Variants in MARF1 observed in about 807,000 individuals in gnomAD.
MARF1 encodes the protein meiosis regulator and mRNA stability factor 1.
Under a neutral mutation model 168.2 loss-of-function variants are expected in MARF1, and 24 were observed. The ratio of observed to expected loss-of-function variants is 0.14; its 90% CI spans 0.10 to 0.20. The LOEUF is 0.20. MARF1 is among the 10% of genes least tolerant of loss of function. MARF1 has a pLI of 1.00. For synonymous variants in MARF1, 868 were observed against 822.4 expected, an observed-to-expected ratio of 1.06 and a Z score of -0.95; for missense variants, 1,744 against 2,143.6, an observed-to-expected ratio of 0.81 and a Z score of 3.68.
chr16:15,641,712 A>G (rs1264695364), intron 1 of MARF1, among the ~76,000 whole-genome samples: 4 of 152,206 alleles, frequency 2.6e-5, no homozygotes, highest in Non-Finnish European at 5.9e-5. Context: ...CAGAGAGAGA[A>G]AAAGAAACTT....
chr16:15,608,064 T>C (rs2033167701), intron 21 of MARF1, among the ~76,000 whole-genome samples: 1 of 152,094 alleles, frequency 6.6e-6, no homozygotes, highest in African/African-American at 2.4e-5. Context: ...GGCAAGGCCA[T>C]TCAGAAACAC....
chr16:15,635,473 A>G, intron 3 of MARF1, 183 bp downstream of exon 3: 2 of 578,420 alleles, frequency 3.5e-6, no homozygotes, highest in Non-Finnish European at 6.0e-6. Context: ...ACTTTTTTGA[A>G]TGATCTCCCA....
At position 15,609,580 on chromosome 16, in the gene MARF1, C is replaced by T. The variant is rs759542967; in HGVS notation, c.3897G>A (p.Ala1299=). ...CAAGTAGTTTGGTAAACCCATAGTA[C>T]GCAAGTTTGCACTGCCGGCCAAAGT... The part of the protein sequence containing the change: ...HHHFGRQCKL[A]YYGFTKLLEL... Residue 1299 remains alanine, a synonymous_variant, in exon 20 of 27, where the codon GCG becomes GCA. Transcript: ENST00000396368. 5.1e-5 allele frequency: 82 copies of T among 1,614,042 alleles called. No individual in the cohort carries two copies. The highest frequency in any genetic ancestry group is 1.0e-4 in the Admixed American group (6 of 60,004).
intron 7 of MARF1, among the ~76,000 whole-genome samples, chr16:15,629,318 T>C (rs957322218): frequency 3.3e-5 from 5 of 152,148 alleles, no homozygotes; most frequent in Non-Finnish European, 1.5e-5. Flanking sequence ...GCCTCTGGTA[T>C]CCACAACTCT....
In MARF1 at chr16:15,628,364, TTTTG is replaced by T. The variant is rs574449208; in HGVS notation, c.1524+1964_1524+1967del. ...ACTTTCCACATTTCTAAATATTGTG[TTTTG>T]TTTGTTTTTACAATGATCATACCAT... is the stretch of plus-strand genomic sequence containing the variant. On this transcript the variant is annotated intron_variant, in intron 7 of 26. Coordinates refer to ENST00000396368, the MANE Select transcript of MARF1 (RefSeq NM_014647.4). 3.7e-3 allele frequency among the ~76,000 whole-genome samples: 560 copies of T among 152,156 alleles called. 8 individuals are homozygous for T. Among genetic ancestry groups the T allele is most frequent in the African/African-American group, 0.013 (540 of 41,510 alleles).
At position 15,611,153 on chromosome 16, in the gene MARF1, C is replaced by T. The variant is rs368744230; in HGVS notation, c.3618-45G>A. 10 of 1,593,420 alleles carry T rather than the reference C, an allele frequency of 6.3e-6. No homozygotes were observed. The African/African-American group carries it at 6.7e-5, about 11-fold the overall frequency. Reference sequence around the variant, plus strand: ...GTGGATACGGAATGAGTAGTATCATCGGTAGAAGAACTACAAGTTTTCCGG... The same window carrying T: ...GTGGATACGGAATGAGTAGTATCATTGGTAGAAGAACTACAAGTTTTCCGG... On this transcript the variant is annotated intron_variant, in intron 18 of 26. Transcript: ENST00000396368.
chr16:15,607,749 C>G (rs1170393386), intron 21 of MARF1, among the ~76,000 whole-genome samples: 1 of 152,180 alleles, frequency 6.6e-6, no homozygotes, highest in Non-Finnish European at 1.5e-5. Flanking sequence ...CTGGCAGCTG[C>G]TCTGCCTAGG....
chr16:15,596,327 C>T lies in MARF1; in HGVS notation c.*366G>A, dbSNP rs558339982. 33 of 165,368 alleles carry T rather than the reference C, an allele frequency of 2.0e-4. No homozygotes were observed. Among genetic ancestry groups the T allele is most frequent in the Non-Finnish European group, 3.1e-4 (24 of 76,642 alleles). The allele number at this position is 165,368 out of a possible 1,614,324, so 10.2% of individuals were successfully genotyped here. ...TATGCTACATGTAGGATGACACCAC[C>T]GACGTGGCTCAATGGAAGCAAAACC... On this transcript the variant is annotated 3_prime_UTR_variant, in exon 27 of 27. Coordinates refer to ENST00000396368, the MANE Select transcript of MARF1 (RefSeq NM_014647.4).
At position 15,596,859 on chromosome 16, in the gene MARF1, C is replaced by G; in HGVS notation, c.5063G>C (p.Ser1688Thr). 1 of 1,614,048 alleles carries G rather than the reference C, an allele frequency of 6.2e-7. No individual in the cohort carries two copies. Among genetic ancestry groups the G allele is most frequent in the Non-Finnish European group, 8.5e-7 (1 of 1,179,966 alleles). Reference sequence around the variant, plus strand: ...GACAGCTGCTGAGATGCAGGACGAGCTGGAGTCAGAGGTCAGAGTTTTGCT... The same window carrying G: ...GACAGCTGCTGAGATGCAGGACGAGGTGGAGTCAGAGGTCAGAGTTTTGCT... The part of the protein sequence containing the change: ...GKSKTLTSDS[S>T]SSCISAAVPV... The change falls in exon 27 of 27, where the codon AGC (serine) becomes ACC (threonine). Residue 1688 changes from serine (S) to threonine (T), a missense_variant. By Grantham distance (58) the Ser-to-Thr change is moderately conservative (BLOSUM62 1). This residue lies in a region of MARF1 where 313 missense variants were observed against 337.4 expected (regional missense o/e 0.93). Coordinates refer to ENST00000396368, the MANE Select transcript of MARF1 (RefSeq NM_014647.4).
At chr16:15,639,011 CTG>C in intron 2 of MARF1, 77 bp downstream of exon 2, 1 of 1,422,006 alleles carries the variant, frequency 7.0e-7, no homozygotes, top group Non-Finnish European at 9.6e-7. Context: ...GGATGAGAGA[CTG>C]TATCCCAGAC....
chr16:15,629,574 T>A (rs1348763545), intron 7 of MARF1, among the ~76,000 whole-genome samples: 4 of 152,258 alleles, frequency 2.6e-5, no homozygotes, highest in Non-Finnish European at 5.9e-5. Context: ...AAATTATATG[T>A]GAAGACTTTC....
At chr16:15,600,583 A>C in intron 24 of MARF1, 30 bp from the exon 25 acceptor site, 2 of 1,614,180 alleles carry the variant, frequency 1.2e-6, no homozygotes, top group South Asian at 2.2e-5. Context: ...CGTCAGAGAG[A>C]AATGTCAGTG....
chr16:15,598,229 C>T (rs1596418673), intron 26 of MARF1, among the ~76,000 whole-genome samples: 1 of 152,308 alleles, frequency 6.6e-6, no homozygotes, highest in Middle Eastern at 3.4e-3. Context: ...AGTGACGGCA[C>T]CAGCTGTGCC....
chr16:15,601,261 T>C (rs2032395668), intron 23 of MARF1: 1 of 364,324 alleles, frequency 2.7e-6, no homozygotes, highest in Non-Finnish European at 5.4e-6. Flanking sequence ...CCTTCCTACT[T>C]CCTCTATTCT....
intron 25 of MARF1, among the ~76,000 whole-genome samples, chr16:15,599,934 G>A (rs796329477): frequency 5.9e-5 from 9 of 152,204 alleles, no homozygotes; most frequent in African/African-American, 2.2e-4. Context: ...AGTCAGTTTA[G>A]TGAGAATCCC....
chr16:15,634,055 G>A (rs1450945867), intron 4 of MARF1, among the ~76,000 whole-genome samples: 1 of 152,092 alleles, frequency 6.6e-6, no homozygotes, highest in East Asian at 1.9e-4. Flanking sequence ...TTTTTCAGGA[G>A]AAGACAAATC....
In MARF1 at chr16:15,617,044, T is replaced by C. The variant is rs368564851; in HGVS notation, c.3077+8A>G. ...CATTATATCGACAAAGGCTTTGAGATGGTTCACCTCAATAAAGGCACGGTG... is the reference window on the plus strand; with the variant it reads ...CATTATATCGACAAAGGCTTTGAGACGGTTCACCTCAATAAAGGCACGGTG... On this transcript the variant is annotated splice_region_variant and intron_variant, in intron 15 of 26. Coordinates refer to ENST00000396368, the MANE Select transcript of MARF1 (RefSeq NM_014647.4). 8 of 1,607,458 alleles carry C rather than the reference T, an allele frequency of 5.0e-6. No homozygotes were observed. Among genetic ancestry groups the C allele is most frequent in the Non-Finnish European group, 5.1e-6 (6 of 1,178,206 alleles).
At chr16:15,611,432 G>A (rs2033538436) in intron 18 of MARF1, among the ~76,000 whole-genome samples, 160 bp downstream of exon 18, 1 of 137,498 alleles carries the variant, frequency 7.3e-6, no homozygotes. Flanking sequence ...GGGCGACAGA[G>A]CGAGACTCCG....
chr16:15,602,365 A>G lies in MARF1; in HGVS notation c.4414-162T>C, dbSNP rs117057945. ...GAAGATGAAGATGAAGAAGGAGACA[A>G]AGATGACGAAGAAGAAGGAGACGAC... On this transcript the variant is annotated intron_variant, in intron 22 of 26. Coordinates refer to ENST00000396368, the MANE Select transcript of MARF1 (RefSeq NM_014647.4). The G allele has an allele frequency of 4.3e-3, 2,689 of 631,568 alleles. 25 individuals carry two copies. Among genetic ancestry groups the G allele is most frequent in the Middle Eastern group, 0.028 (106 of 3,820 alleles). 39.1% of individuals were successfully genotyped at this position (631,568 alleles called of 1,614,324 possible). A position where few individuals can be genotyped will look rare whatever the true frequency, so the allele number is the denominator to read the frequency against.
Sources: gnomAD v4.1 joint callset for allele counts (sites outside exome capture counted in the v4.1 genomes callset) on GRCh38, gnomAD v4.1.1 for gene constraint, gnomAD v4.1.1 regional missense constraint, MANE v1.5 for transcripts, NCBI Gene and HGNC (gene_info 2026-07-23, HGNC 2026-07-21) for gene names.